Variants in UBR4 observed in about 807,000 individuals in gnomAD.
UBR4 encodes the protein ubiquitin protein ligase E3 component n-recognin 4, also known as E3 ubiquitin-protein ligase UBR4.
A neutral mutation model predicts 575.6 loss-of-function variants in UBR4; 124 were observed. The ratio of observed to expected loss-of-function variants is 0.22; its 90% CI spans 0.19 to 0.25. The LOEUF (loss-of-function observed/expected upper bound fraction) is 0.25, where lower values mean the gene tolerates loss of function less well. Ranked by LOEUF, UBR4 falls within the 10% of genes least tolerant of loss-of-function variation. The probability of loss-of-function intolerance (pLI) is 1.00; values close to 1 mark genes in which losing one functional copy is unlikely to be tolerated. For missense variants in UBR4, 4,818 were observed against 6,478.8 expected (o/e 0.74, Z 8.80); for synonymous variants, 2,455 against 2,473.7 (o/e 0.99, Z 0.22).
chr1:19,203,638 T>A (rs1387103412), intron 1 of UBR4, among the ~76,000 whole-genome samples: 1 of 152,230 alleles, frequency 6.6e-6, no homozygotes, highest in African/African-American at 2.4e-5. Flanking sequence ...GGTGCCAATG[T>A]CGGTGATGAA....
At position 19,172,041 on chromosome 1, in the gene UBR4, C is replaced by T. The variant is rs75327103; in HGVS notation, c.3521+823G>A. On this transcript the variant is annotated intron_variant, in intron 25 of 105. Coordinates refer to ENST00000375254, the MANE Select transcript of UBR4 (RefSeq NM_020765.3). ...ATTTAAGAAAAGCCAGAAATCTAAA[C>T]TTGTGAATAATCTCCCAATTTTATA... Among the ~76,000 whole-genome samples, 856 of 152,320 alleles carry T rather than the reference C, an allele frequency of 5.6e-3. 2 individuals are homozygous for T. The highest frequency in any genetic ancestry group is 9.4e-3 in the Non-Finnish European group (638 of 68,036).
intron 23 of UBR4, 39 bp downstream of exon 23, chr1:19,173,400 T>G: frequency 6.2e-7 from 1 of 1,612,724 alleles, no homozygotes; most frequent in South Asian, 1.1e-5. Context: ...CACAAAGCAC[T>G]TTGGCTTTGA....
chr1:19,183,837 A>G lies in UBR4; in HGVS notation c.2158T>C (p.Ser720Pro). The G allele has an allele frequency of 3.7e-6, 6 of 1,614,206 alleles. No individual in the cohort carries two copies. Among genetic ancestry groups the G allele is most frequent in the Non-Finnish European group, 5.1e-6 (6 of 1,180,020 alleles). Residue 720 changes from serine (S) to proline (P), a missense_variant, in exon 17 of 106, where the codon TCT (serine) becomes CCT (proline). By Grantham distance (74) the Ser-to-Pro change is moderately conservative (BLOSUM62 -1). This residue lies in a region of UBR4 where 1,172 missense variants were observed against 1,259.7 expected (regional missense o/e 0.93). Transcript: ENST00000375254. ...LYHFNHSLVT[S>P]DLQSPNLQNT... ...TGCAGGTTAGGTGACTGAAGGTCAG[A>G]GGTTACCAGTGAGTGGTTGAAGTGA...
chr1:19,084,486 G>A lies in UBR4; in HGVS notation c.15008+18C>T, dbSNP rs772102892. 1.3e-6 allele frequency: 2 copies of A among 1,583,282 alleles called. No individual in the cohort carries two copies. The highest frequency in any genetic ancestry group is 2.3e-5 in the South Asian group (2 of 88,198). On this transcript the variant is annotated intron_variant, in intron 102 of 105. Coordinates refer to ENST00000375254, the MANE Select transcript of UBR4 (RefSeq NM_020765.3). ...GGTGGGTCTGCGAGATGCCGCCCCT[G>A]GGACACAGGGTACTGACGTGTTCAG... is the stretch of plus-strand genomic sequence containing the variant.
At chr1:19,201,912 T>C (rs979257955) in intron 1 of UBR4, 97 bp from the exon 2 acceptor site, 4 of 1,010,380 alleles carry the variant, frequency 4.0e-6, no homozygotes, top group Non-Finnish European at 5.8e-6. Context: ...CCTTACTACC[T>C]GGTAGATAGT....
In UBR4 at chr1:19,146,954, C is replaced by T. The variant is rs140880823; in HGVS notation, c.7676G>A (p.Ser2559Asn). 7 of 1,613,530 alleles carry T rather than the reference C, an allele frequency of 4.3e-6. No homozygotes were observed. In the African/African-American group the frequency reaches 9.3e-5, roughly 22 times the overall value. Residue 2559 changes from serine (S) to asparagine (N), a missense_variant, in exon 52 of 106, where the codon AGC becomes AAC. By Grantham distance (46) the Ser-to-Asn change is conservative. This residue lies in a region of UBR4 where 340 missense variants were observed against 375.4 expected (regional missense o/e 0.91). Coordinates refer to ENST00000375254, the MANE Select transcript of UBR4 (RefSeq NM_020765.3). ...AGGGTCCAAATCCTTGCCCTCTTTG[C>T]TAGATGTGTTGAGACACTGCACAGC... ...SKAVQCLNTS[S>N]KEGKDLDPEV...
chr1:19,144,760 C>T (rs373646783), intron 54 of UBR4, 26 bp downstream of exon 54: 7 of 1,588,390 alleles, frequency 4.4e-6, no homozygotes, highest in Non-Finnish European at 6.0e-6. Context: ...CTGCTGCGAG[C>T]TCTCTGGGAT....
chr1:19,125,002 C>A (rs1331953244), intron 64 of UBR4, among the ~76,000 whole-genome samples: 1 of 151,208 alleles, frequency 6.6e-6, no homozygotes, highest in Non-Finnish European at 1.5e-5. Context: ...GCTAGAAAGG[C>A]CAAAAAAATT....
intron 91 of UBR4, among the ~76,000 whole-genome samples, 162 bp from the exon 92 acceptor site, chr1:19,096,812 T>G (rs1273652302): frequency 6.6e-6 from 1 of 152,112 alleles, no homozygotes; most frequent in East Asian, 1.9e-4. Context: ...TGGATGATAT[T>G]AAACTGTCCC....
intron 60 of UBR4, among the ~76,000 whole-genome samples, chr1:19,134,086 TAAAAAAAAAAAA>T (rs71030132): frequency 5.7e-5 from 3 of 52,524 alleles, no homozygotes; most frequent in Admixed American, 6.6e-4. Flanking sequence ...ACTCTGTCTC[TAAAAAAAAAAAA>T]AAAAAAAAAA....
intron 17 of UBR4, among the ~76,000 whole-genome samples, chr1:19,180,255 C>T (rs1348439314): frequency 6.6e-6 from 1 of 152,020 alleles, no homozygotes; most frequent in Non-Finnish European, 1.5e-5. Flanking sequence ...GTTGCACGAT[C>T]TCAGCTCACT....
intron 44 of UBR4, 127 bp from the exon 45 acceptor site, chr1:19,154,066 AT>A: frequency 9.6e-7 from 1 of 1,044,246 alleles, no homozygotes; most frequent in Non-Finnish European, 1.4e-6. Flanking sequence ...AGGGACTCAG[AT>A]TATCCACAGG....
chr1:19,137,270 A>T (rs978429255), intron 60 of UBR4, among the ~76,000 whole-genome samples: 3 of 151,928 alleles, frequency 2.0e-5, no homozygotes, highest in African/African-American at 7.3e-5. Context: ...ACTGCACTCC[A>T]GCCAGGGTGA....
Position 19,121,301 on chromosome 1 carries a change from G to A in UBR4, c.10029C>T (p.Ser3343=), listed in dbSNP as rs1297332242. ...LAALAASSGS[S]SASSSSAPVA... is the part of the protein sequence containing the mutation. ...CAGGGGCTGAGGAGGAAGAAGCACT[G>A]GAGGATCCCGAAGAGGCTGCCAGTG... The change falls in exon 68 of 106, where the codon TCC becomes TCT. Residue 3343 remains serine (S), a synonymous_variant. Transcript: ENST00000375254. The A allele has an allele frequency of 1.2e-6, 2 of 1,614,074 alleles. No individual in the cohort carries two copies. The highest frequency in any genetic ancestry group is 1.7e-5 in the Admixed American group (1 of 60,008).
chr1:19,162,285 A>G (rs1185176818), intron 35 of UBR4, 135 bp downstream of exon 35: 9 of 1,085,552 alleles, frequency 8.3e-6, no homozygotes, highest in Non-Finnish European at 1.0e-5. Flanking sequence ...AGGCCTAGAA[A>G]ATTGGGGCCT....
Position 19,121,339 on chromosome 1 carries a change from T to C in UBR4, c.9991A>G (p.Lys3331Glu). 3 of 1,614,202 alleles carry C rather than the reference T, an allele frequency of 1.9e-6. No homozygotes were observed. The highest frequency in any genetic ancestry group is 2.5e-6 in the Non-Finnish European group (3 of 1,180,016). Residue 3331 changes from lysine (K) to glutamate (E), a missense_variant, in exon 68 of 106, where the codon AAG becomes GAG. Around this residue, in one of 29 missense-constraint regions of UBR4, gnomAD observed 550 missense variants for 791.5 expected, o/e 0.69. Transcript: ENST00000375254. ...QLLSCALCGS[K>E]VLAALAASSG... is the part of the protein sequence containing the mutation. Reference sequence around the variant, plus strand: ...GAGGCTGCCAGTGCAGCGAGCACCTTGCTGCCGCACAGAGCACAGGAGAGC... The same window carrying C: ...GAGGCTGCCAGTGCAGCGAGCACCTCGCTGCCGCACAGAGCACAGGAGAGC...
chr1:19,153,596 T>C lies in UBR4; in HGVS notation c.6631-94A>G, dbSNP rs1037661954. On this transcript the variant is annotated intron_variant, in intron 45 of 105. Transcript: ENST00000375254. The surrounding 1 kb of genome is among the most constrained non-coding windows in gnomAD (Gnocchi z 4.1). The stretch of plus-strand genomic sequence containing the variant: ...GGCAGAGATGCAACTGGTTTCATGG[T>C]CAGTTGAGGGGCTGTACAGAAGGGT... The C allele has an allele frequency of 4.6e-6, 7 of 1,526,014 alleles. No individual in the cohort carries two copies. In the African/African-American group the frequency reaches 6.8e-5, roughly 15 times the overall value. The allele number at this position is 1,526,014 out of a possible 1,614,324, so 94.5% of individuals were successfully genotyped here.
intron 87 of UBR4, among the ~76,000 whole-genome samples, chr1:19,101,976 G>C (rs1290663020): frequency 6.6e-6 from 1 of 152,220 alleles, no homozygotes; most frequent in Non-Finnish European, 1.5e-5. Context: ...CAGGCACTCA[G>C]AAAATGTCAA....
In UBR4 at chr1:19,153,594, G is replaced by A. The variant is rs2086032961; in HGVS notation, c.6631-92C>T. ...GAGGCAGAGATGCAACTGGTTTCAT[G>A]GTCAGTTGAGGGGCTGTACAGAAGG... On this transcript the variant is annotated intron_variant, in intron 45 of 105. Transcript: ENST00000375254. This position sits in a 1 kb window ranked among gnomAD's most constrained non-coding sequence, Gnocchi z 4.1. The A allele has an allele frequency of 2.0e-6, 3 of 1,521,626 alleles. No homozygotes were observed. The highest frequency in any genetic ancestry group is 3.5e-5 in the Admixed American group (2 of 57,240). The allele number at this position is 1,521,626 out of a possible 1,614,324, so 94.3% of individuals were successfully genotyped here.
Sources: gnomAD v4.1 joint callset for allele counts (sites outside exome capture counted in the v4.1 genomes callset) on GRCh38, gnomAD v4.1.1 for gene constraint, gnomAD v4.1.1 regional missense constraint, Gnocchi (gnomAD v3.1) non-coding constraint, MANE v1.5 for transcripts, NCBI Gene and HGNC (gene_info 2026-07-23, HGNC 2026-07-21) for gene names.